The following CELF2 variants were observed in gnomAD, a reference collection of about 807,000 sequenced individuals.
CELF2 encodes the protein CUGBP Elav-like family member 2.
In CELF2, 8 loss-of-function variants were observed where a neutral mutation model predicts 62.6. That is an observed-to-expected ratio of 0.13 (90% CI 0.07 to 0.23). The LOEUF (loss-of-function observed/expected upper bound fraction) is 0.23, where lower values mean the gene tolerates loss of function less well. Among genes scored for constraint, CELF2 ranks in the 10% least tolerant of loss-of-function variants. The pLI, the probability that CELF2 is intolerant of heterozygous loss-of-function variation, is 1.00. For missense variants in CELF2, 333 were observed against 671.0 expected (o/e 0.50, Z 5.56); for synonymous variants, 258 against 250.0 (o/e 1.03, Z -0.30).
At chr10:11,251,188 T>C (rs1288393852) in intron 4 of CELF2, among the ~76,000 whole-genome samples, 1 of 151,782 alleles carries the variant, frequency 6.6e-6, no homozygotes, top group Non-Finnish European at 1.5e-5. Context: ...TCTGAACCTT[T>C]GGTTGTAGAT....
chr10:10,550,672 A>C, the CELF2 span, among the ~76,000 whole-genome samples: 1 of 150,086 alleles, frequency 6.7e-6, no homozygotes, highest in East Asian at 2.0e-4. Flanking sequence ...ACTCCATCTG[A>C]TTGGATCCTG....
chr10:10,726,179 C>T, the CELF2 span, among the ~76,000 whole-genome samples: 1 of 152,138 alleles, frequency 6.6e-6, no homozygotes, highest in African/African-American at 2.4e-5. Flanking sequence ...TAGGGTTTTC[C>T]TCCAGGTCCA....
chr10:11,239,946 G>A lies in CELF2; in HGVS notation c.355-9207G>A, dbSNP rs184029951. Among the ~76,000 whole-genome samples, 136 of 152,222 alleles carry A rather than the reference G, an allele frequency of 8.9e-4. 2 individuals carry two copies. The highest frequency in any genetic ancestry group is 2.9e-3 in the African/African-American group (121 of 41,534). ...CAGGCGCCTGTAATCCCAGCTATTC[G>A]GGAGGCTAAGGCAGGAGAATCGCTT... is the stretch of plus-strand genomic sequence containing the variant. On this transcript the variant is annotated intron_variant, in intron 3 of 12. Coordinates refer to ENST00000633077, the MANE Select transcript of CELF2 (RefSeq NM_001326342.2).
rs968146687 is a variant in CELF2, at chr10:11,300,975, A to T, written c.976+12423A>T. On this transcript the variant is annotated intron_variant, in intron 9 of 12. Coordinates refer to ENST00000633077, the MANE Select transcript of CELF2 (RefSeq NM_001326342.2). This position sits in a 1 kb window ranked among gnomAD's most constrained non-coding sequence, Gnocchi z 5.5. ...TTGTTTTGTTGCAGCTTTAAAAAAAAGTATTTTGCTATCCAGGAAGAGTGG... is the reference window on the plus strand; with the variant it reads ...TTGTTTTGTTGCAGCTTTAAAAAAATGTATTTTGCTATCCAGGAAGAGTGG... 1.4e-4 allele frequency among the ~76,000 whole-genome samples: 22 copies of T among 152,210 alleles called. No individual in the cohort carries two copies. Among genetic ancestry groups the T allele is most frequent in the African/African-American group, 5.3e-4 (22 of 41,454 alleles).
At chr10:10,967,621 C>A (rs2050270236) in intron 2 of CELF2, among the ~76,000 whole-genome samples, 1 of 152,214 alleles carries the variant, frequency 6.6e-6, no homozygotes, top group Non-Finnish European at 1.5e-5. Context: ...GTTTGCCGTG[C>A]AGCCTAAGAA....
the CELF2 span, among the ~76,000 whole-genome samples, chr10:10,733,452 G>A: frequency 6.6e-6 from 1 of 152,066 alleles, no homozygotes; most frequent in African/African-American, 2.4e-5. Flanking sequence ...AAAAAGTGCA[G>A]AGGAAACAGA....
chr10:10,474,632 A>G, the CELF2 span, among the ~76,000 whole-genome samples: 1 of 152,090 alleles, frequency 6.6e-6, no homozygotes, highest in African/African-American at 2.4e-5. Context: ...AATGATTCCT[A>G]ACCTGCAGGC....
intron 1 of CELF2, among the ~76,000 whole-genome samples, chr10:11,038,362 C>T (rs1022660005): frequency 2.6e-5 from 4 of 152,152 alleles, no homozygotes; most frequent in African/African-American, 4.8e-5. Flanking sequence ...AAGTGGTTTG[C>T]GCTGCATTAT....
At chr10:10,859,838 A>T (rs1292426352) in intron 1 of CELF2, among the ~76,000 whole-genome samples, 1 of 152,188 alleles carries the variant, frequency 6.6e-6, no homozygotes, top group African/African-American at 2.4e-5. Flanking sequence ...AGTTATCATC[A>T]GTAAAATAAT....
chr10:10,753,632 CTCTT>C, the CELF2 span, among the ~76,000 whole-genome samples: 44 of 152,290 alleles, frequency 2.9e-4, no homozygotes, highest in Admixed American at 5.2e-4. Flanking sequence ...AGTAGCATTT[CTCTT>C]TCTTATATTA....
Position 11,117,185 on chromosome 10 carries a change from C to T in CELF2, c.75-48301C>T, listed in dbSNP as rs955721202. 1.3e-5 allele frequency among the ~76,000 whole-genome samples: 2 copies of T among 152,180 alleles called. No individual in the cohort carries two copies. Among genetic ancestry groups the T allele is most frequent in the African/African-American group, 2.4e-5 (1 of 41,456 alleles). On this transcript the variant is annotated intron_variant, in intron 1 of 12. Transcript: ENST00000633077. The surrounding 1 kb of genome is among the most constrained non-coding windows in gnomAD (Gnocchi z 4.1). Reference sequence around the variant, plus strand: ...TATTTTATTCCTTTATATCATCCCGCTCTACTCACATCTTTTAGGCTCATT... The same window carrying T: ...TATTTTATTCCTTTATATCATCCCGTTCTACTCACATCTTTTAGGCTCATT...
chr10:10,482,479 T>G, the CELF2 span, among the ~76,000 whole-genome samples: 2 of 152,210 alleles, frequency 1.3e-5, no homozygotes, highest in Admixed American at 6.5e-5. Flanking sequence ...TTAAAAAAGT[T>G]TCCTTCACTG....
intron 1 of CELF2, among the ~76,000 whole-genome samples, chr10:10,861,902 A>T (rs758751999): frequency 1.3e-5 from 2 of 152,204 alleles, no homozygotes; most frequent in Non-Finnish European, 2.9e-5. Context: ...TAATCTTTTA[A>T]AAACAATAGG....
chr10:11,002,373 G>C (rs560785864), upstream of CELF2, among the ~76,000 whole-genome samples: 1 of 152,304 alleles, frequency 6.6e-6, no homozygotes, highest in African/African-American at 2.4e-5. This position sits in a 1 kb window ranked among gnomAD's most constrained non-coding sequence, Gnocchi z 4.4. Context: ...GGGATACAGA[G>C]CCAAACCGTA....
the CELF2 span, among the ~76,000 whole-genome samples, chr10:10,670,524 T>TAGCCTCCCACATTATC: frequency 1.3e-5 from 2 of 152,210 alleles, no homozygotes; most frequent in African/African-American, 2.4e-5. Context: ...CACATTTGCA[T>TAGCCTCCCACATTATC]AGCCTCCCAC....
At chr10:10,681,361 C>T in the CELF2 span, among the ~76,000 whole-genome samples, 2 of 152,144 alleles carry the variant, frequency 1.3e-5, no homozygotes, top group African/African-American at 2.4e-5. Context: ...AACCTCCAAC[C>T]GAGATGAAAT....
At chr10:11,198,397 T>C (rs1452890179) in intron 2 of CELF2, among the ~76,000 whole-genome samples, 1 of 152,242 alleles carries the variant, frequency 6.6e-6, no homozygotes, top group Non-Finnish European at 1.5e-5. Context: ...CCTAGGAGTC[T>C]GGAAGCTTTA....
At chr10:10,586,224 A>G in the CELF2 span, among the ~76,000 whole-genome samples, 4 of 152,204 alleles carry the variant, frequency 2.6e-5, no homozygotes, top group Non-Finnish European at 2.9e-5. Context: ...ATAACTTGCA[A>G]CAGGGAAAAT....
intron 2 of CELF2, among the ~76,000 whole-genome samples, chr10:11,173,688 G>A (rs897715323): frequency 4.6e-5 from 7 of 152,134 alleles, no homozygotes; most frequent in Non-Finnish European, 1.0e-4. Context: ...CTGATTCTGA[G>A]GCCATCCATT....
Sources: gnomAD v4.1 joint callset for allele counts (sites outside exome capture counted in the v4.1 genomes callset) on GRCh38, gnomAD v4.1.1 for gene constraint, Gnocchi (gnomAD v3.1) non-coding constraint, MANE v1.5 for transcripts, NCBI Gene and HGNC (gene_info 2026-07-23, HGNC 2026-07-21) for gene names.